The following LHFPL3 variants were observed in gnomAD, a reference collection of about 807,000 sequenced individuals.
LHFPL3 encodes the protein LHFPL tetraspan subfamily member 3.
Under a neutral mutation model 19.3 loss-of-function variants are expected in LHFPL3, and 5 were observed. The ratio of observed to expected loss-of-function variants is 0.26; its 90% CI spans 0.14 to 0.54. The LOEUF is 0.54. LHFPL3 is among the 20% of genes least tolerant of loss of function. The probability of loss-of-function intolerance (pLI) is 0.94; values close to 1 mark genes in which losing one functional copy is unlikely to be tolerated. For missense variants in LHFPL3, 249 were observed against 307.4 expected, an observed-to-expected ratio of 0.81 and a Z score of 1.42; for synonymous variants, 133 against 126.2, an observed-to-expected ratio of 1.05 and a Z score of -0.36.
intron 1 of LHFPL3, among the ~76,000 whole-genome samples, chr7:104,619,386 G>T (rs1029101589): frequency 6.6e-6 from 1 of 151,988 alleles, no homozygotes; most frequent in Non-Finnish European, 1.5e-5. Flanking sequence ...TGTAATGCCA[G>T]TGGAACTTTG....
intron 2 of LHFPL3, among the ~76,000 whole-genome samples, chr7:104,867,568 A>T (rs1025058586): frequency 6.6e-6 from 1 of 152,216 alleles, no homozygotes; most frequent in Non-Finnish European, 1.5e-5. Flanking sequence ...ACAGACTCTG[A>T]AATTGAGGCA....
intron 1 of LHFPL3, among the ~76,000 whole-genome samples, chr7:104,530,126 G>T (rs1293970549): frequency 1.3e-5 from 2 of 152,150 alleles, no homozygotes; most frequent in Non-Finnish European, 2.9e-5. Flanking sequence ...GAGATATTTG[G>T]AAATAAAAGA....
chr7:104,633,479 C>T (rs756244341), intron 1 of LHFPL3, among the ~76,000 whole-genome samples: 3 of 152,108 alleles, frequency 2.0e-5, no homozygotes, highest in South Asian at 2.1e-4. Flanking sequence ...CTAAGGATTC[C>T]GCAGTTTCTC....
rs1246021405 is a variant in LHFPL3, at chr7:104,593,836, G to A, written c.446-142839G>A. Among the ~76,000 whole-genome samples, 5 of 151,984 alleles carry A rather than the reference G, an allele frequency of 3.3e-5. No homozygotes were observed. In the East Asian group the frequency reaches 5.8e-4, roughly 18 times the overall value. ...TTTGAACCAACAAAGTTGGTTTAAAGTCTGTTTTATCAGATACTAGGATTG... is the reference window on the plus strand; with the variant it reads ...TTTGAACCAACAAAGTTGGTTTAAAATCTGTTTTATCAGATACTAGGATTG... On this transcript the variant is annotated intron_variant, in intron 1 of 2. Coordinates refer to ENST00000424859, the MANE Select transcript of LHFPL3 (RefSeq NM_199000.3).
chr7:104,407,037 A>G lies in LHFPL3; in HGVS notation c.445+77813A>G, dbSNP rs530948454. Among the ~76,000 whole-genome samples, 23 of 152,316 alleles carry G rather than the reference A, an allele frequency of 1.5e-4. No homozygotes were observed. In the South Asian group the frequency reaches 4.6e-3, roughly 30 times the overall value. On this transcript the variant is annotated intron_variant, in intron 1 of 2. Transcript: ENST00000424859. ...ACCACAGGGGACCTCTCTGAGCCAC[A>G]GTGGCTCTGTTGTACAATGGGGATC...
intron 1 of LHFPL3, among the ~76,000 whole-genome samples, chr7:104,607,811 AC>A (rs1021718411): frequency 2.8e-4 from 43 of 152,236 alleles, no homozygotes; most frequent in African/African-American, 9.9e-4. Flanking sequence ...GAAAAAAACA[AC>A]CCCATTAACA....
intron 1 of LHFPL3, among the ~76,000 whole-genome samples, chr7:104,420,657 T>C (rs2116532672): frequency 6.7e-6 from 1 of 148,988 alleles, no homozygotes; most frequent in African/African-American, 2.5e-5. Context: ...CCTCCCGGGT[T>C]CACGCCATTC....
At chr7:104,759,400 A>G (rs753244098) in intron 2 of LHFPL3, among the ~76,000 whole-genome samples, 1 of 152,216 alleles carries the variant, frequency 6.6e-6, no homozygotes, top group Non-Finnish European at 1.5e-5. Context: ...ATTAATTTTA[A>G]TAATATATTT....
At chr7:104,744,604 C>G (rs1794005197) in intron 2 of LHFPL3, among the ~76,000 whole-genome samples, 2 of 152,212 alleles carry the variant, frequency 1.3e-5, no homozygotes, top group South Asian at 4.1e-4. Context: ...TCCTCCCACT[C>G]TTTTCATGAA....
chr7:104,456,736 G>A (rs530834603), intron 1 of LHFPL3, among the ~76,000 whole-genome samples: 2 of 152,142 alleles, frequency 1.3e-5, no homozygotes, highest in Non-Finnish European at 2.9e-5. Context: ...TTGAACGCAA[G>A]CACTATGATA....
At chr7:104,782,604 T>C (rs574339771) in intron 2 of LHFPL3, among the ~76,000 whole-genome samples, 7 of 152,344 alleles carry the variant, frequency 4.6e-5, no homozygotes, top group Admixed American at 2.6e-4. Context: ...CATTCCATTA[T>C]CCACAGTGAA....
At chr7:104,736,969 C>A in intron 2 of LHFPL3, 58 bp downstream of exon 2, 1 of 1,348,174 alleles carries the variant, frequency 7.4e-7, no homozygotes, top group Non-Finnish European at 1.0e-6. Flanking sequence ...AAATGGTGCT[C>A]TCCATTCTTT....
chr7:104,497,295 A>G (rs1793500484), intron 1 of LHFPL3, among the ~76,000 whole-genome samples: 1 of 149,090 alleles, frequency 6.7e-6, no homozygotes, highest in Admixed American at 6.6e-5. Flanking sequence ...ACCGAAAATA[A>G]AAGTTGAGAA....
At chr7:104,555,328 T>C (rs1794743469) in intron 1 of LHFPL3, among the ~76,000 whole-genome samples, 2 of 152,194 alleles carry the variant, frequency 1.3e-5, no homozygotes, top group East Asian at 3.8e-4. Context: ...TCACACTGTT[T>C]ATAAAGACAA....
intron 1 of LHFPL3, among the ~76,000 whole-genome samples, chr7:104,674,376 T>TTC (rs1792549498): frequency 7.2e-6 from 1 of 138,948 alleles, no homozygotes; most frequent in African/African-American, 2.7e-5. Context: ...CTTTTTCTTT[T>TTC]TTTTTTTTTT....
At chr7:104,570,464 C>A (rs1485545493) in intron 1 of LHFPL3, among the ~76,000 whole-genome samples, 3 of 152,178 alleles carry the variant, frequency 2.0e-5, no homozygotes, top group Non-Finnish European at 4.4e-5. Context: ...TGAATTCAAC[C>A]AGAACTTAGA....
At chr7:104,904,040 T>G (rs1352390718) in intron 2 of LHFPL3, among the ~76,000 whole-genome samples, 1 of 152,226 alleles carries the variant, frequency 6.6e-6, no homozygotes, top group Non-Finnish European at 1.5e-5. Context: ...TGTTTTGCTT[T>G]TAATAATATC....
intron 1 of LHFPL3, among the ~76,000 whole-genome samples, chr7:104,697,052 G>A (rs530970667): frequency 6.6e-6 from 1 of 152,150 alleles, no homozygotes; most frequent in Non-Finnish European, 1.5e-5. Flanking sequence ...CTTACATGGT[G>A]GAAGGGGTGA....
intron 2 of LHFPL3, among the ~76,000 whole-genome samples, chr7:104,900,170 A>G (rs1792455510): frequency 6.6e-6 from 1 of 152,238 alleles, no homozygotes; most frequent in Non-Finnish European, 1.5e-5. Context: ...TTCATGCCAA[A>G]ACTGGACAGT....
Sources: gnomAD v4.1 joint callset for allele counts (sites outside exome capture counted in the v4.1 genomes callset) on GRCh38, gnomAD v4.1.1 for gene constraint, MANE v1.5 for transcripts, NCBI Gene and HGNC (gene_info 2026-07-23, HGNC 2026-07-21) for gene names.